Variants in KIAA1549 observed in about 807,000 individuals in gnomAD.
KIAA1549 encodes the protein KIAA1549.
KIAA1549 carries 70 observed loss-of-function variants against 156.4 expected under a neutral mutation model. That is an observed-to-expected ratio of 0.45 (90% CI 0.37 to 0.55). KIAA1549 has a LOEUF of 0.55. Ranked by LOEUF, KIAA1549 falls within the 20% of genes least tolerant of loss-of-function variation. The pLI is 0.00. For missense variants in KIAA1549, 2,428 were observed against 2,540.9 expected (o/e 0.96, Z 0.96); for synonymous variants, 1,103 against 1,066.4 (o/e 1.03, Z -0.67).
rs1187358410 is a variant in KIAA1549, at chr7:138,840,230, C to T, written c.5501G>A (p.Gly1834Glu). The T allele has an allele frequency of 6.3e-7, 1 of 1,588,142 alleles. No individual in the cohort carries two copies. Among genetic ancestry groups the T allele is most frequent in the Non-Finnish European group, 8.6e-7 (1 of 1,167,406 alleles). ...LTQVGIASRI[G>E]AQPVEIPPSR... ...TGGCGGGATTTCCACTGGCTGAGCT[C>T]CAATTCTGCTGGCAATCCCCACCTG... Residue 1834 changes from glycine to glutamate, a missense_variant, in exon 19 of 20, where the codon GGA becomes GAA. Gly to Glu is a moderately conservative substitution (Grantham distance 98). Around this residue, in one of 5 missense-constraint regions of KIAA1549, gnomAD observed 363 missense variants for 354.0 expected, o/e 1.03. Transcript: ENST00000422774.
intron 8 of KIAA1549, among the ~76,000 whole-genome samples, chr7:138,900,049 G>C (rs1367389397): frequency 6.6e-6 from 1 of 152,188 alleles, no homozygotes; most frequent in Admixed American, 6.5e-5. Flanking sequence ...TTTTACATGT[G>C]CCATTTAAAT....
intron 1 of KIAA1549, among the ~76,000 whole-genome samples, chr7:138,955,988 A>C (rs1425413980): frequency 6.6e-6 from 1 of 152,044 alleles, no homozygotes; most frequent in Non-Finnish European, 1.5e-5. Flanking sequence ...CCACCTCCTG[A>C]GTTGAGGCAA....
intron 5 of KIAA1549, 94 bp downstream of exon 5, chr7:138,908,897 G>C: frequency 6.8e-7 from 1 of 1,479,908 alleles, no homozygotes; most frequent in South Asian, 1.2e-5. Context: ...TCCGCCACTG[G>C]AGGGAATAAG....
intron 18 of KIAA1549, among the ~76,000 whole-genome samples, chr7:138,841,612 A>T (rs17160569): frequency 0.033 from 5,023 of 152,338 alleles, 220 homozygotes; most frequent in African/African-American, 0.099. Flanking sequence ...CATCAAATTC[A>T]CCAGTGATGC....
At chr7:138,964,003 CTT>C (rs1563095995) in intron 1 of KIAA1549, among the ~76,000 whole-genome samples, 1 of 152,136 alleles carries the variant, frequency 6.6e-6, no homozygotes, top group Admixed American at 6.5e-5. Flanking sequence ...GGAATTTTAA[CTT>C]TTTGAGTTTT....
intron 1 of KIAA1549, among the ~76,000 whole-genome samples, chr7:138,946,736 G>T (rs981220854): frequency 6.6e-6 from 1 of 152,122 alleles, no homozygotes; most frequent in Non-Finnish European, 1.5e-5. Context: ...CCGAGATCAC[G>T]CCACTGGACT....
At chr7:138,959,814 G>C (rs760721609) in intron 1 of KIAA1549, among the ~76,000 whole-genome samples, 67 of 152,212 alleles carry the variant, frequency 4.4e-4, no homozygotes, top group Non-Finnish European at 4.0e-4. Flanking sequence ...GAGGATCAGA[G>C]AGCAACTGTG....
chr7:138,891,321 T>C (rs1369297000), intron 10 of KIAA1549, among the ~76,000 whole-genome samples: 2 of 152,234 alleles, frequency 1.3e-5, no homozygotes, highest in African/African-American at 4.8e-5. Flanking sequence ...AGCTCTGGTC[T>C]GACACCAGTA....
chr7:138,833,324 A>G lies in KIAA1549; in HGVS notation c.*4582T>C, dbSNP rs1809595527. 4.3e-6 allele frequency: 1 copy of G among 232,420 alleles called. No individual in the cohort carries two copies. Among genetic ancestry groups the G allele is most frequent in the Admixed American group, 5.6e-5 (1 of 17,738 alleles). 14.4% of individuals were successfully genotyped at this position (232,420 alleles called of 1,614,324 possible). The stretch of plus-strand genomic sequence containing the variant: ...AGACTTATATAACAACTAATTTGTG[A>G]ATTACTGCCAATGCACTGCAAATCA... On this transcript the variant is annotated 3_prime_UTR_variant, in exon 20 of 20. Transcript: ENST00000422774.
intron 17 of KIAA1549, among the ~76,000 whole-genome samples, chr7:138,848,852 T>G (rs914404632): frequency 6.6e-6 from 1 of 152,216 alleles, no homozygotes. Context: ...ACTTTAAACA[T>G]AGTTACATGA....
chr7:138,919,607 A>G, intron 1 of KIAA1549, 169 bp from the exon 2 acceptor site: 9 of 1,161,286 alleles, frequency 7.8e-6, no homozygotes, highest in Non-Finnish European at 1.1e-5. Context: ...AATTGACAGA[A>G]TTACCATCAG....
At chr7:138,973,778 G>A (rs1400667247) in intron 1 of KIAA1549, among the ~76,000 whole-genome samples, 1 of 152,132 alleles carries the variant, frequency 6.6e-6, no homozygotes, top group Non-Finnish European at 1.5e-5. Flanking sequence ...CCGAATAGCT[G>A]AGACTACAGG....
chr7:138,871,270 G>A lies in KIAA1549; in HGVS notation c.4438C>T (p.Arg1480Trp), dbSNP rs751853285. 2.2e-5 allele frequency: 35 copies of A among 1,611,666 alleles called. No homozygotes were observed. The highest frequency in any genetic ancestry group is 8.8e-5 in the South Asian group (8 of 90,786). Residue 1480 changes from arginine (R) to tryptophan (W), a missense_variant, in exon 13 of 20, where the codon CGG (arginine) becomes TGG (tryptophan). By Grantham distance (101) the Arg-to-Trp change is moderately radical (BLOSUM62 -3). This residue lies in a region of KIAA1549 where 404 missense variants were observed against 417.0 expected (regional missense o/e 0.97). Transcript: ENST00000422774. ...DRISRPPEAS[R>W]RVPSKIQLIA... is the part of the protein sequence containing the mutation. ...AGCTGGATCTTACTGGGGACCCGCC[G>A]GCTAGCCTCCGGGGGGCGGGAGATC...
chr7:138,900,029 G>A (rs1004659329), intron 8 of KIAA1549, among the ~76,000 whole-genome samples: 47 of 152,158 alleles, frequency 3.1e-4, no homozygotes, highest in Non-Finnish European at 2.6e-4. Flanking sequence ...CGAGGGCTCC[G>A]AGCTCCTTAT....
intron 17 of KIAA1549, among the ~76,000 whole-genome samples, chr7:138,848,654 C>T (rs1810149390): frequency 6.6e-6 from 1 of 152,106 alleles, no homozygotes; most frequent in African/African-American, 2.4e-5. Flanking sequence ...GTCCTTCTTG[C>T]CCTTGTCCCT....
intron 16 of KIAA1549, 105 bp downstream of exon 16, chr7:138,861,034 T>C (rs1810555445): frequency 4.4e-6 from 5 of 1,126,394 alleles, no homozygotes; most frequent in Non-Finnish European, 6.5e-6. Context: ...TTTTAATTCT[T>C]ATCAAATGCA....
Position 138,832,848 on chromosome 7 carries a change from C to A in KIAA1549, c.*5058G>T. On this transcript the variant is annotated 3_prime_UTR_variant, in exon 20 of 20. Transcript: ENST00000422774. ...CCTGTTTAAACACTGACAATCACCT[C>A]CACGAATATCAAAAGAAACCCGAAA... 4.4e-6 allele frequency: 1 copy of A among 227,582 alleles called. No homozygotes were observed. The highest frequency in any genetic ancestry group is 8.7e-6 in the Non-Finnish European group (1 of 114,642). The allele number at this position is 227,582 out of a possible 1,614,324, so 14.1% of individuals were successfully genotyped here.
At chr7:138,862,376 C>G (rs1456888228) in intron 15 of KIAA1549, among the ~76,000 whole-genome samples, 1 of 151,822 alleles carries the variant, frequency 6.6e-6, no homozygotes, top group Non-Finnish European at 1.5e-5. Context: ...TGGTGGTGAG[C>G]ACCTGCAGTG....
At position 138,889,872 on chromosome 7, in the gene KIAA1549, T is replaced by C. The variant is rs144027328; in HGVS notation, c.4032+4470A>G. ...CCTCCCTTAGATAATTACCTTCTTT[T>C]GTCTCATCTCTACTTGCCAGATCAC... On this transcript the variant is annotated intron_variant, in intron 10 of 19. Coordinates refer to ENST00000422774, the MANE Select transcript of KIAA1549 (RefSeq NM_001164665.2). 8.5e-3 allele frequency among the ~76,000 whole-genome samples: 1,290 copies of C among 152,334 alleles called. 19 individuals are homozygous for C. Among genetic ancestry groups the C allele is most frequent in the African/African-American group, 0.029 (1,221 of 41,570 alleles).
Sources: gnomAD v4.1 joint callset for allele counts (sites outside exome capture counted in the v4.1 genomes callset) on GRCh38, gnomAD v4.1.1 for gene constraint, gnomAD v4.1.1 regional missense constraint, MANE v1.5 for transcripts, NCBI Gene and HGNC (gene_info 2026-07-23, HGNC 2026-07-21) for gene names.